The following RNF220 variants were observed in gnomAD, a reference collection of about 807,000 sequenced individuals.
RNF220 encodes the protein E3 ubiquitin-protein ligase RNF220.
In RNF220, 7 loss-of-function variants were observed where a neutral mutation model predicts 67.1. The observed-to-expected ratio is 0.10, with a 90% CI of 0.06 to 0.20. The LOEUF is 0.20. Among genes scored for constraint, RNF220 ranks in the 10% least tolerant of loss-of-function variants. The pLI is 1.00. For synonymous variants in RNF220, 270 were observed against 283.2 expected, an observed-to-expected ratio of 0.95 and a Z score of 0.47; for missense variants, 565 against 740.3, an observed-to-expected ratio of 0.76 and a Z score of 2.75.
In RNF220 at chr1:44,565,950, T is replaced by C. The variant is rs1224997419; in HGVS notation, c.626-48215T>C. ...TCAGCCTCTCGCCCTCCCTCTCTGC[T>C]CCACATTGATATAAATGGAGGCTTC... On this transcript the variant is annotated intron_variant, in intron 2 of 14. Transcript: ENST00000361799. This position sits in a 1 kb window ranked among gnomAD's most constrained non-coding sequence, Gnocchi z 4.2. Among the ~76,000 whole-genome samples, 1 of 152,132 alleles carries C rather than the reference T, an allele frequency of 6.6e-6. No individual in the cohort carries two copies. The highest frequency in any genetic ancestry group is 1.5e-5 in the Non-Finnish European group (1 of 68,024).
intron 1 of RNF220, among the ~76,000 whole-genome samples, chr1:44,406,442 G>A (rs1370159241): frequency 1.3e-5 from 2 of 152,278 alleles, no homozygotes; most frequent in Non-Finnish European, 2.9e-5. Flanking sequence ...AGCAAGGCGG[G>A]AGGACGATCG....
At chr1:44,574,218 C>A (rs1319330995) in intron 2 of RNF220, among the ~76,000 whole-genome samples, 1 of 152,174 alleles carries the variant, frequency 6.6e-6, no homozygotes, top group Non-Finnish European at 1.5e-5. Flanking sequence ...ATTTCCCCAG[C>A]TGGGCCATGC....
Position 44,632,405 on chromosome 1 carries a change from TCCCTCC to T in RNF220, c.949+21_949+26del. 9.1e-7 allele frequency: 1 copy of T among 1,104,972 alleles called. No individual in the cohort carries two copies. The allele number at this position is 1,104,972 out of a possible 1,614,324, so 68.4% of individuals were successfully genotyped here. On this transcript the variant is annotated intron_variant, in intron 6 of 14. Transcript: ENST00000361799. ...TGAATGGTGAGTCCTGCCCGGCCCC[TCCCTCC>T]GCCCCACCCCCGGCCTCCTCCCTCC...
chr1:44,521,302 A>G (rs1659921719), intron 2 of RNF220, among the ~76,000 whole-genome samples: 1 of 152,250 alleles, frequency 6.6e-6, no homozygotes. Flanking sequence ...CGGACTATCA[A>G]GCAAATGCTA....
At chr1:44,628,375 A>G (rs545935025) in intron 5 of RNF220, among the ~76,000 whole-genome samples, 1 of 152,336 alleles carries the variant, frequency 6.6e-6, no homozygotes, top group South Asian at 2.1e-4. Context: ...CTAAAAACAT[A>G]CGCATGTGTT....
intron 2 of RNF220, among the ~76,000 whole-genome samples, chr1:44,502,557 C>T (rs1290972853): frequency 5.9e-5 from 9 of 152,112 alleles, no homozygotes; most frequent in Admixed American, 4.6e-4. Flanking sequence ...GACATTGTGC[C>T]AGGCCCTAGG....
chr1:44,525,742 A>G lies in RNF220; in HGVS notation c.626-88423A>G, dbSNP rs149698518. Reference sequence around the variant, plus strand: ...TCCTCCTGTGAATTTCAGCACCCACATGGACTGTCCACATCCTGGGATCCT... The same window carrying G: ...TCCTCCTGTGAATTTCAGCACCCACGTGGACTGTCCACATCCTGGGATCCT... On this transcript the variant is annotated intron_variant, in intron 2 of 14. Coordinates refer to ENST00000361799, the MANE Select transcript of RNF220 (RefSeq NM_018150.4). Among the ~76,000 whole-genome samples the G allele has an allele frequency of 2.8e-3, 423 of 152,168 alleles. 1 individual carries two copies. Among genetic ancestry groups the G allele is most frequent in the Non-Finnish European group, 4.6e-3 (316 of 67,990 alleles).
At chr1:44,608,727 A>G (rs1485397953) in intron 2 of RNF220, among the ~76,000 whole-genome samples, 1 of 152,226 alleles carries the variant, frequency 6.6e-6, no homozygotes, top group Non-Finnish European at 1.5e-5. Context: ...ATATAAACCA[A>G]TAACCAGATA....
At chr1:44,632,465 G>C in intron 6 of RNF220, 80 bp downstream of exon 6, 1 of 1,387,284 alleles carries the variant, frequency 7.2e-7, no homozygotes, top group Admixed American at 2.2e-5. Context: ...CTCCTGGCTT[G>C]CCTGGGTCTC....
intron 2 of RNF220, among the ~76,000 whole-genome samples, chr1:44,609,169 C>T (rs1381611972): frequency 6.6e-6 from 1 of 152,100 alleles, no homozygotes; most frequent in African/African-American, 2.4e-5. Flanking sequence ...GTAGGACACA[C>T]GTGTGTACAC....
intron 2 of RNF220, among the ~76,000 whole-genome samples, chr1:44,415,127 G>A (rs777102644): frequency 2.6e-4 from 39 of 150,226 alleles, no homozygotes; most frequent in Middle Eastern, 3.4e-3. Flanking sequence ...TTTCTGTAAG[G>A]AAGGGTTGAA....
intron 2 of RNF220, among the ~76,000 whole-genome samples, chr1:44,429,958 A>G (rs1314590236): frequency 6.6e-6 from 1 of 152,196 alleles, no homozygotes; most frequent in African/African-American, 2.4e-5. Flanking sequence ...CTAAATGTAC[A>G]TTGATAAGAA....
Position 44,411,505 on chromosome 1 carries a change from T to C in RNF220, c.-117-476T>C, listed in dbSNP as rs1163085769. Among the ~76,000 whole-genome samples the C allele has an allele frequency of 2.0e-5, 3 of 152,144 alleles. No homozygotes were observed. In the East Asian group the frequency reaches 5.8e-4, roughly 29 times the overall value. ...TGAACTTGAATTAGGGATATTTCAGTATCAGGGTGTTGTTAGGGGAGATGA... is the reference window on the plus strand; with the variant it reads ...TGAACTTGAATTAGGGATATTTCAGCATCAGGGTGTTGTTAGGGGAGATGA... On this transcript the variant is annotated intron_variant, in intron 1 of 14. Coordinates refer to ENST00000361799, the MANE Select transcript of RNF220 (RefSeq NM_018150.4).
intron 2 of RNF220, among the ~76,000 whole-genome samples, chr1:44,474,971 A>AGT (rs1655164388): frequency 6.6e-6 from 1 of 152,064 alleles, no homozygotes; most frequent in African/African-American, 2.4e-5. Flanking sequence ...TTGTAAACGC[A>AGT]GTGATATACA....
chr1:44,632,492 G>T (rs1644187528), intron 6 of RNF220, 107 bp downstream of exon 6: 4 of 1,092,946 alleles, frequency 3.7e-6, no homozygotes, highest in Non-Finnish European at 2.7e-6. Flanking sequence ...TCTGGGGCCC[G>T]TTGGCTTCTT....
At chr1:44,419,046 A>C (rs2147828256) in intron 2 of RNF220, among the ~76,000 whole-genome samples, 1 of 152,288 alleles carries the variant, frequency 6.6e-6, no homozygotes, top group South Asian at 2.1e-4. Context: ...CCAAAATAGC[A>C]ATATTGTTTG....
intron 2 of RNF220, among the ~76,000 whole-genome samples, chr1:44,580,517 A>G (rs757546906): frequency 4.6e-5 from 7 of 152,230 alleles, no homozygotes; most frequent in Non-Finnish European, 7.3e-5. Flanking sequence ...AACACAGACC[A>G]GTGGGTGGAA....
chr1:44,596,073 A>G (rs1666463919), intron 2 of RNF220, among the ~76,000 whole-genome samples: 1 of 152,202 alleles, frequency 6.6e-6, no homozygotes, highest in African/African-American at 2.4e-5. Context: ...CGATGAGCAA[A>G]GATTTTTGAA....
At chr1:44,521,775 C>T (rs938176175) in intron 2 of RNF220, among the ~76,000 whole-genome samples, 10 of 152,166 alleles carry the variant, frequency 6.6e-5, no homozygotes, top group South Asian at 2.1e-4. Context: ...ACTGTATGCA[C>T]GGTGAAGAGA....
Sources: allele counts gnomAD v4.1 joint callset (sites outside exome capture counted in the v4.1 genomes callset), GRCh38; gene constraint gnomAD v4.1.1; non-coding constraint Gnocchi (gnomAD v3.1); transcripts MANE v1.5; gene names NCBI Gene and HGNC (gene_info 2026-07-23, HGNC 2026-07-21).